Variants in SLC25A48 observed in about 807,000 individuals in gnomAD.
The protein encoded by SLC25A48 is CTC-321K16.1.
A neutral mutation model predicts 32.2 loss-of-function variants in SLC25A48; 29 were observed. That is an observed-to-expected ratio of 0.90 (90% CI 0.67 to 1.23). SLC25A48 has a LOEUF of 1.23. SLC25A48 is among the 50% of genes most tolerant of loss of function. SLC25A48 has a pLI of 0.00. For missense variants in SLC25A48, 399 were observed against 422.7 expected, an observed-to-expected ratio of 0.94 and a Z score of 0.49; for synonymous variants, 164 against 172.3, an observed-to-expected ratio of 0.95 and a Z score of 0.38.
chr5:135,791,991 TTAC>T (rs1253899997), intron 3 of SLC25A48, among the ~76,000 whole-genome samples: 1 of 151,836 alleles, frequency 6.6e-6, no homozygotes, highest in East Asian at 1.9e-4. Flanking sequence ...ATTATTTGAA[TTAC>T]TTTAGGAAGA....
chr5:135,775,584 A>G (rs540486648), intron 3 of SLC25A48, among the ~76,000 whole-genome samples: 1 of 150,654 alleles, frequency 6.6e-6, no homozygotes, highest in Non-Finnish European at 1.5e-5. Context: ...GGTGGGGGGG[A>G]AATAATAGTA....
upstream of SLC25A48, among the ~76,000 whole-genome samples, chr5:135,833,684 C>G (rs1758294086): frequency 1.3e-5 from 2 of 152,194 alleles, no homozygotes; most frequent in African/African-American, 4.8e-5. Context: ...CTGTCCTCTC[C>G]CGATACAGGT....
chr5:135,651,747 C>T (rs1457583749), intron 3 of SLC25A48, among the ~76,000 whole-genome samples: 1 of 152,160 alleles, frequency 6.6e-6, no homozygotes, highest in East Asian at 1.9e-4. Flanking sequence ...ACCTTATGGG[C>T]AGAACTTTGA....
intron 4 of SLC25A48, among the ~76,000 whole-genome samples, chr5:135,867,342 G>C (rs1284266076): frequency 2.0e-5 from 3 of 152,170 alleles, no homozygotes; most frequent in Non-Finnish European, 4.4e-5. Context: ...AGAGATCTCA[G>C]TTGTGCATAT....
At chr5:135,649,940 A>G (rs1414145320) in intron 3 of SLC25A48, 1 of 166,806 alleles carries the variant, frequency 6.0e-6, no homozygotes, top group Non-Finnish European at 1.3e-5. Flanking sequence ...GAAGCTGAAA[A>G]CCATGGCTCC....
At chr5:135,807,239 T>G (rs1757483401) in intron 3 of SLC25A48, among the ~76,000 whole-genome samples, 1 of 150,774 alleles carries the variant, frequency 6.6e-6, no homozygotes, top group African/African-American at 2.4e-5. Context: ...CATGGCTATT[T>G]CATGAATGTC....
At chr5:135,732,330 G>A (rs976451434) in intron 3 of SLC25A48, among the ~76,000 whole-genome samples, 7 of 152,124 alleles carry the variant, frequency 4.6e-5, no homozygotes, top group Non-Finnish European at 2.9e-5. Context: ...AGGCCAAACC[G>A]AGGAATTATG....
chr5:135,847,630 A>G (rs1011437861), intron 2 of SLC25A48, among the ~76,000 whole-genome samples: 2 of 152,210 alleles, frequency 1.3e-5, no homozygotes, highest in Admixed American at 6.5e-5. Context: ...AGAGAGATTT[A>G]GATTTCTTCC....
At chr5:135,772,757 G>A (rs55888303) in intron 3 of SLC25A48, among the ~76,000 whole-genome samples, 61,812 of 151,236 alleles carry the variant, frequency 0.41, 14,317 homozygotes, top group Non-Finnish European at 0.52. Flanking sequence ...GATATTTTTC[G>A]TAATATCCAA....
chr5:135,838,014 T>G (rs1758672671), intron 1 of SLC25A48, among the ~76,000 whole-genome samples: 1 of 152,218 alleles, frequency 6.6e-6, no homozygotes, highest in Admixed American at 6.5e-5. Context: ...AGTTTGGAGC[T>G]TCCTAGAGAC....
intron 3 of SLC25A48, among the ~76,000 whole-genome samples, chr5:135,730,343 G>A (rs1273404932): frequency 6.6e-6 from 1 of 152,092 alleles, no homozygotes; most frequent in Non-Finnish European, 1.5e-5. Flanking sequence ...TAGTGAATAA[G>A]TCTCACAAGA....
chr5:135,844,390 C>G (rs141120925), intron 2 of SLC25A48, among the ~76,000 whole-genome samples: 20 of 152,352 alleles, frequency 1.3e-4, no homozygotes, highest in Middle Eastern at 3.4e-3. Flanking sequence ...CTCACCCTCC[C>G]AAACTCACCT....
intron 3 of SLC25A48, among the ~76,000 whole-genome samples, chr5:135,658,190 G>A (rs1753300810): frequency 6.6e-6 from 1 of 152,216 alleles, no homozygotes; most frequent in Non-Finnish European, 1.5e-5. Flanking sequence ...TGAAAAACAA[G>A]TTAATTACTT....
chr5:135,865,531 G>A (rs769251403), intron 4 of SLC25A48, among the ~76,000 whole-genome samples: 1 of 152,168 alleles, frequency 6.6e-6, no homozygotes, highest in African/African-American at 2.4e-5. Context: ...ATCAGTCAGG[G>A]CCAGACTTTT....
chr5:135,831,022 A>C (rs1758190744), upstream of SLC25A48, among the ~76,000 whole-genome samples: 2 of 152,166 alleles, frequency 1.3e-5, no homozygotes, highest in African/African-American at 2.4e-5. Flanking sequence ...CCTCATGCAG[A>C]AGATGCTTTG....
At chr5:135,599,658 C>T (rs1450786690) in intron 1 of SLC25A48, among the ~76,000 whole-genome samples, 1 of 152,260 alleles carries the variant, frequency 6.6e-6, no homozygotes, top group East Asian at 1.9e-4. Context: ...CTTCCGCATG[C>T]ACTCCTGACC....
intron 4 of SLC25A48, chr5:135,827,630 C>G (rs993179535): frequency 6.6e-6 from 1 of 152,350 alleles, no homozygotes; most frequent in Admixed American, 6.5e-5. Flanking sequence ...ACTCCCCTTG[C>G]ATTCTCCCAA....
At chr5:135,650,899 A>C (rs1753096067) in intron 3 of SLC25A48, among the ~76,000 whole-genome samples, 1 of 152,066 alleles carries the variant, frequency 6.6e-6, no homozygotes, top group Admixed American at 6.5e-5. Context: ...CAGTTTATTC[A>C]CAGAATAATA....
intron 6 of SLC25A48, among the ~76,000 whole-genome samples, chr5:135,874,437 A>G (rs1438978914): frequency 6.6e-6 from 1 of 152,146 alleles, no homozygotes; most frequent in Admixed American, 6.5e-5. Flanking sequence ...GGCCTGGTCC[A>G]TTTCTGTCTG....
Sources: gnomAD v4.1 joint callset for allele counts (sites outside exome capture counted in the v4.1 genomes callset) on GRCh38, gnomAD v4.1.1 for gene constraint, MANE v1.5 for transcripts, NCBI Gene and HGNC (gene_info 2026-07-23, HGNC 2026-07-21) for gene names.